The following ARHGEF4 variants were observed in gnomAD, a reference collection of about 807,000 sequenced individuals.
ARHGEF4 encodes the protein APC-stimulated guanine nucleotide exchange factor 1.
In ARHGEF4, 119 loss-of-function variants were observed where a neutral mutation model predicts 162.0. The ratio of observed to expected loss-of-function variants is 0.73; its 90% CI spans 0.63 to 0.86. ARHGEF4 has a LOEUF of 0.86. Ranked by LOEUF, ARHGEF4 falls within the 40% of genes least tolerant of loss-of-function variation. The pLI, the probability that ARHGEF4 is intolerant of heterozygous loss-of-function variation, is 0.00. For synonymous variants in ARHGEF4, 1,014 were observed against 979.9 expected (o/e 1.03, Z -0.65); for missense variants, 2,488 against 2,456.0 (o/e 1.01, Z -0.28).
At chr2:130,921,134 T>G (rs1321216051) in intron 2 of ARHGEF4, among the ~76,000 whole-genome samples, 1 of 152,216 alleles carries the variant, frequency 6.6e-6, no homozygotes, top group Non-Finnish European at 1.5e-5. Flanking sequence ...GAGGTTTATA[T>G]AAACAAAATC....
chr2:131,008,880 T>C (rs1688286183), intron 4 of ARHGEF4, among the ~76,000 whole-genome samples: 1 of 152,228 alleles, frequency 6.6e-6, no homozygotes, highest in African/African-American at 2.4e-5. Flanking sequence ...CTACATGTAC[T>C]ATAAGCCCCA....
At chr2:130,851,314 C>T (rs1681394086) in intron 1 of ARHGEF4, among the ~76,000 whole-genome samples, 1 of 152,254 alleles carries the variant, frequency 6.6e-6, no homozygotes, top group Non-Finnish European at 1.5e-5. Flanking sequence ...GTGCTGGCGC[C>T]AGCTCCGCAG....
intron 1 of ARHGEF4, among the ~76,000 whole-genome samples, chr2:130,887,885 T>G (rs1679616281): frequency 6.6e-6 from 1 of 152,082 alleles, no homozygotes; most frequent in African/African-American, 2.4e-5. Context: ...TGGGGCCGAA[T>G]GTCACTCTTG....
chr2:130,973,208 G>T (rs1033921007), intron 4 of ARHGEF4, among the ~76,000 whole-genome samples: 1 of 152,224 alleles, frequency 6.6e-6, no homozygotes. Flanking sequence ...AATAAATGAG[G>T]CCGAATGAGG....
rs183121884 is a variant in ARHGEF4, at chr2:130,847,928, G to A, written c.39+10936G>A. On this transcript the variant is annotated intron_variant, in intron 1 of 13. Transcript: ENST00000409359. ...GAGGCTAGGTCTGAGCCTCAGGAGTGTGTGGGATTGGAGCTGGGCCGCTGG... is the reference window on the plus strand; with the variant it reads ...GAGGCTAGGTCTGAGCCTCAGGAGTATGTGGGATTGGAGCTGGGCCGCTGG... Among the ~76,000 whole-genome samples, 342 of 152,362 alleles carry A rather than the reference G, an allele frequency of 2.2e-3. 5 individuals carry two copies. Among genetic ancestry groups the A allele is most frequent in the African/African-American group, 7.6e-3 (317 of 41,590 alleles).
At chr2:130,856,973 A>G (rs1681836260) in intron 1 of ARHGEF4, among the ~76,000 whole-genome samples, 1 of 152,246 alleles carries the variant, frequency 6.6e-6, no homozygotes, top group South Asian at 2.1e-4. Flanking sequence ...CTGTAATCCC[A>G]GCACTTTGGG....
chr2:130,941,145 T>C (rs973414500), intron 3 of ARHGEF4, among the ~76,000 whole-genome samples: 3 of 152,078 alleles, frequency 2.0e-5, no homozygotes, highest in Non-Finnish European at 2.9e-5. Context: ...GGATATTCAG[T>C]TGGCCCTTAA....
rs143732295 is a variant in ARHGEF4 at position 130,999,806 on chromosome 2, G to A, written c.3986-28139G>A. Among the ~76,000 whole-genome samples, 176 of 152,246 alleles carry A rather than the reference G, an allele frequency of 1.2e-3. 1 individual carries two copies. The East Asian group carries it at 0.022, about 19-fold the overall frequency. On this transcript the variant is annotated intron_variant, in intron 4 of 13. Coordinates refer to ENST00000409359, the MANE Select transcript of ARHGEF4 (RefSeq NM_001367493.1). ...CAACCTCTGCCTTTTGGGTTCAAGC[G>A]ATTCCCCTGCCTCAGCCTCCTGAGT...
At chr2:131,045,043 G>A (rs1251003507) in intron 12 of ARHGEF4, among the ~76,000 whole-genome samples, 2 of 152,192 alleles carry the variant, frequency 1.3e-5, no homozygotes, top group African/African-American at 4.8e-5. Context: ...CAGTGACCAG[G>A]TCGGCTCTTG....
Position 130,963,974 on chromosome 2 carries a change from C to T in ARHGEF4, c.3985+17339C>T, listed in dbSNP as rs985622587. On this transcript the variant is annotated intron_variant, in intron 4 of 13. Coordinates refer to ENST00000409359, the MANE Select transcript of ARHGEF4 (RefSeq NM_001367493.1). The stretch of plus-strand genomic sequence containing the variant: ...TCGCGCGCCCCGTCCCCCGGCAGCC[C>T]CGCGGCCGCCGCACCGCCGCCCCCG... The T allele has an allele frequency of 1.0e-4, 3 of 29,272 alleles. No individual in the cohort carries two copies. In the African/African-American group the frequency reaches 1.5e-3, roughly 15 times the overall value. The allele number at this position is 29,272 out of a possible 1,614,324, so 1.8% of individuals were successfully genotyped here. A position where few individuals can be genotyped will look rare whatever the true frequency, so the allele number is the denominator to read the frequency against.
intron 2 of ARHGEF4, among the ~76,000 whole-genome samples, chr2:130,919,836 A>G (rs1681758819): frequency 1.3e-5 from 2 of 151,980 alleles, no homozygotes; most frequent in East Asian, 3.9e-4. Flanking sequence ...AGATCACACC[A>G]CTGCACTCCA....
At chr2:130,958,499 C>G (rs1684431097) in intron 4 of ARHGEF4, among the ~76,000 whole-genome samples, 1 of 151,544 alleles carries the variant, frequency 6.6e-6, no homozygotes, top group Admixed American at 6.6e-5. Flanking sequence ...AACCTCCGCC[C>G]CCCCGATCCG....
At chr2:130,883,260 C>A (rs937150564) in intron 1 of ARHGEF4, among the ~76,000 whole-genome samples, 1 of 152,066 alleles carries the variant, frequency 6.6e-6, no homozygotes, top group African/African-American at 2.4e-5. Flanking sequence ...GGCATGGGGC[C>A]TCTCTGCCAG....
Position 130,916,162 on chromosome 2 carries a change from G to A in ARHGEF4, c.2216G>A (p.Gly739Glu). 2 of 1,548,912 alleles carry A rather than the reference G, an allele frequency of 1.3e-6. No individual in the cohort carries two copies. Among genetic ancestry groups the A allele is most frequent in the East Asian group, 2.4e-5 (1 of 40,890 alleles). Reference protein sequence around the residue: ...TEEPPGERLRGESRSSGSGER... With the variant: ...TEEPPGERLREESRSSGSGER... The stretch of plus-strand genomic sequence containing the variant: ...GAGCCCCCGGGAGAGAGACTGCGTG[G>A]GGAGAGCCGGAGCTCCGGGTCAGGG... Residue 739 changes from glycine to glutamate, a missense_variant, in exon 2 of 14, where the codon GGG becomes GAG. Gly to Glu is a moderately conservative substitution (Grantham distance 98, BLOSUM62 -2). This residue lies in a region of ARHGEF4 where 1,642 missense variants were observed against 1,481.5 expected (regional missense o/e 1.11). Coordinates refer to ENST00000409359, the MANE Select transcript of ARHGEF4 (RefSeq NM_001367493.1).
chr2:131,021,663 C>A (rs1227965278), intron 4 of ARHGEF4, among the ~76,000 whole-genome samples: 1 of 152,174 alleles, frequency 6.6e-6, no homozygotes, highest in Non-Finnish European at 1.5e-5. Flanking sequence ...TTCTTTATTT[C>A]TTTTTCTTGA....
At chr2:130,853,792 G>C (rs1375636873) in intron 1 of ARHGEF4, among the ~76,000 whole-genome samples, 2 of 152,350 alleles carry the variant, frequency 1.3e-5, no homozygotes, top group East Asian at 3.9e-4. Flanking sequence ...CACAAGCCCT[G>C]CCGTCATCCC....
At chr2:131,024,041 G>T (rs892299329) in intron 4 of ARHGEF4, among the ~76,000 whole-genome samples, 2 of 152,132 alleles carry the variant, frequency 1.3e-5, no homozygotes, top group East Asian at 3.9e-4. Context: ...CTACATACAG[G>T]TTGCTCTGGT....
rs763077070 is a variant in ARHGEF4 at position 131,044,351 on chromosome 2, G to T, written c.5210G>T (p.Gly1737Val). The T allele has an allele frequency of 3.5e-4, 561 of 1,606,742 alleles. No homozygotes were observed. Among genetic ancestry groups the T allele is most frequent in the Non-Finnish European group, 4.7e-4 (551 of 1,177,088 alleles). ...LYYKGRLDMDGLEVVDLEDGK... is the reference protein window; with the variant it reads ...LYYKGRLDMDVLEVVDLEDGK... Reference sequence around the variant, plus strand: ...TACAAGGGCCGGCTGGACATGGACGGCCTGGAGGTGGTGGACCTGGAGGAC... The same window carrying T: ...TACAAGGGCCGGCTGGACATGGACGTCCTGGAGGTGGTGGACCTGGAGGAC... Residue 1737 changes from glycine (G) to valine (V), a missense_variant, in exon 12 of 14, where the codon GGC (glycine) becomes GTC (valine). Around this residue, in one of 6 missense-constraint regions of ARHGEF4, gnomAD observed 415 missense variants for 512.4 expected, o/e 0.81. Coordinates refer to ENST00000409359, the MANE Select transcript of ARHGEF4 (RefSeq NM_001367493.1).
intron 1 of ARHGEF4, among the ~76,000 whole-genome samples, chr2:130,888,669 T>G (rs943954558): frequency 7.9e-5 from 12 of 152,166 alleles, no homozygotes; most frequent in Non-Finnish European, 1.6e-4. Flanking sequence ...AGTGTTCTTT[T>G]GTTTCCAGAT....
Sources: allele counts gnomAD v4.1 joint callset (sites outside exome capture counted in the v4.1 genomes callset), GRCh38; gene constraint gnomAD v4.1.1; regional missense constraint gnomAD v4.1.1; transcripts MANE v1.5; gene names NCBI Gene and HGNC (gene_info 2026-07-23, HGNC 2026-07-21).